Variants in SGPP2 observed in about 807,000 individuals in gnomAD.
SGPP2 encodes sphingosine 1-phosphate phosphohydrolase 2.
A neutral mutation model predicts 33.9 loss-of-function variants in SGPP2; 30 were observed. The ratio of observed to expected loss-of-function variants is 0.89; its 90% CI spans 0.66 to 1.20. The LOEUF (loss-of-function observed/expected upper bound fraction) is 1.20, where lower values mean the gene tolerates loss of function less well. Among genes scored for constraint, SGPP2 ranks in the 50% most tolerant of loss-of-function variants. SGPP2 has a pLI of 0.00. For missense variants in SGPP2, 458 were observed against 532.1 expected (o/e 0.86, Z 1.37); for synonymous variants, 233 against 225.0 (o/e 1.04, Z -0.32).
At chr2:222,544,962 G>T (rs556055073) in intron 4 of SGPP2, among the ~76,000 whole-genome samples, 2 of 152,216 alleles carry the variant, frequency 1.3e-5, no homozygotes, top group African/African-American at 4.8e-5. Flanking sequence ...TTAATGGACA[G>T]AGAGTATTCT....
At chr2:222,459,847 C>G (rs1392654010) in intron 1 of SGPP2, among the ~76,000 whole-genome samples, 1 of 152,184 alleles carries the variant, frequency 6.6e-6, no homozygotes, top group Non-Finnish European at 1.5e-5. Flanking sequence ...CTTTGGTTCC[C>G]TTCTTTATCA....
chr2:222,490,950 C>T (rs1698188174), intron 2 of SGPP2, among the ~76,000 whole-genome samples: 1 of 152,062 alleles, frequency 6.6e-6, no homozygotes, highest in Non-Finnish European at 1.5e-5. Context: ...CACTTTCTTC[C>T]TAAACTGTGT....
chr2:222,507,163 G>T (rs1378251130), intron 2 of SGPP2, among the ~76,000 whole-genome samples: 1 of 152,106 alleles, frequency 6.6e-6, no homozygotes, highest in African/African-American at 2.4e-5. Flanking sequence ...AAGATGATTG[G>T]TATAGAATTC....
chr2:222,524,489 C>T (rs1698728101), intron 3 of SGPP2, among the ~76,000 whole-genome samples: 2 of 152,240 alleles, frequency 1.3e-5, no homozygotes, highest in Admixed American at 1.3e-4. Flanking sequence ...ACTTTAGGCC[C>T]ATTGCCCCTC....
intron 4 of SGPP2, among the ~76,000 whole-genome samples, chr2:222,532,755 C>CT (rs1261711504): frequency 6.6e-6 from 1 of 152,210 alleles, no homozygotes; most frequent in East Asian, 1.9e-4. Context: ...AGAAGTTTCT[C>CT]TATCTCTTGC....
intron 2 of SGPP2, among the ~76,000 whole-genome samples, chr2:222,493,360 A>G (rs1196555734): frequency 2.0e-5 from 3 of 152,180 alleles, no homozygotes; most frequent in African/African-American, 7.2e-5. Flanking sequence ...TTATAAAACT[A>G]TTGGATCTCA....
rs546240415 is a variant in SGPP2 at position 222,436,676 on chromosome 2, C to T, written c.219+11855C>T. 1.4e-4 allele frequency among the ~76,000 whole-genome samples: 22 copies of T among 152,272 alleles called. No individual in the cohort carries two copies. The East Asian group carries it at 3.5e-3, about 24-fold the overall frequency. Reference sequence around the variant, plus strand: ...TACTATGACGGTAGATAAGGCATTCCATGAGTCCACAGATGATAGTCTTGG... The same window carrying T: ...TACTATGACGGTAGATAAGGCATTCTATGAGTCCACAGATGATAGTCTTGG... On this transcript the variant is annotated intron_variant, in intron 1 of 4. Coordinates refer to ENST00000321276, the MANE Select transcript of SGPP2 (RefSeq NM_152386.4).
chr2:222,478,813 C>G (rs2106100572), intron 2 of SGPP2, among the ~76,000 whole-genome samples: 1 of 152,240 alleles, frequency 6.6e-6, no homozygotes, highest in Non-Finnish European at 1.5e-5. Context: ...ATCAAGTGCT[C>G]TCTCCTCACA....
intron 2 of SGPP2, among the ~76,000 whole-genome samples, chr2:222,501,164 A>C (rs1698360934): frequency 6.6e-6 from 1 of 152,188 alleles, no homozygotes; most frequent in South Asian, 2.1e-4. Context: ...CTTGAGCAGG[A>C]GTCACTTGAG....
chr2:222,556,922 T>C (rs1249757887), intron 4 of SGPP2, among the ~76,000 whole-genome samples: 1 of 139,508 alleles, frequency 7.2e-6, no homozygotes, highest in South Asian at 2.5e-4. Flanking sequence ...ACTCCTTCCC[T>C]ATCCACCCTT....
intron 4 of SGPP2, among the ~76,000 whole-genome samples, chr2:222,543,283 C>T (rs1026742969): frequency 8.5e-5 from 13 of 152,144 alleles, no homozygotes; most frequent in African/African-American, 2.9e-4. Context: ...TTACTCAGCA[C>T]CATTTATTGA....
intron 1 of SGPP2, among the ~76,000 whole-genome samples, chr2:222,431,962 G>T (rs572864969): frequency 6.6e-6 from 1 of 152,232 alleles, no homozygotes; most frequent in African/African-American, 2.4e-5. Flanking sequence ...CCCACCCAGC[G>T]CAGGTTGCAT....
rs757736162 is a variant in SGPP2 at position 222,547,010 on chromosome 2, A to G, written c.649-11337A>G. 1.1e-3 allele frequency among the ~76,000 whole-genome samples: 169 copies of G among 152,264 alleles called. 1 individual carries two copies. The highest frequency in any genetic ancestry group is 1.3e-3 in the East Asian group (7 of 5,186). On this transcript the variant is annotated intron_variant, in intron 4 of 4. Transcript: ENST00000321276. ...CCAGACCTACTGAATTAGAACCTGCATTTTAACAAACTTCCCAGGAGACCT... is the reference window on the plus strand; with the variant it reads ...CCAGACCTACTGAATTAGAACCTGCGTTTTAACAAACTTCCCAGGAGACCT...
chr2:222,518,140 T>G (rs1356149468), intron 2 of SGPP2, among the ~76,000 whole-genome samples: 1 of 152,238 alleles, frequency 6.6e-6, no homozygotes, highest in Non-Finnish European at 1.5e-5. Context: ...TTGAAAAATG[T>G]AGCTCTATTT....
chr2:222,435,640 A>G (rs916367329), intron 1 of SGPP2, among the ~76,000 whole-genome samples: 6 of 152,250 alleles, frequency 3.9e-5, no homozygotes, highest in Admixed American at 6.5e-5. Flanking sequence ...TATTACATAA[A>G]GTTAACAATA....
intron 4 of SGPP2, among the ~76,000 whole-genome samples, 169 bp downstream of exon 4, chr2:222,525,202 T>C (rs1468035639): frequency 3.3e-5 from 5 of 152,216 alleles, no homozygotes; most frequent in African/African-American, 7.2e-5. Context: ...TGTATGATAA[T>C]AGTAATGAAA....
At chr2:222,504,850 T>G (rs936585178) in intron 2 of SGPP2, 1 of 152,072 alleles carries the variant, frequency 6.6e-6, no homozygotes, top group African/African-American at 2.4e-5. Flanking sequence ...CATGACAAGG[T>G]GAGGAGGCTG....
chr2:222,508,214 AGAT>A (rs1027223461), intron 2 of SGPP2, among the ~76,000 whole-genome samples: 2 of 152,196 alleles, frequency 1.3e-5, no homozygotes, highest in African/African-American at 4.8e-5. Flanking sequence ...TAAAGAATTA[AGAT>A]AATAGAGTTT....
intron 2 of SGPP2, among the ~76,000 whole-genome samples, chr2:222,512,247 G>A (rs192760020): frequency 2.2e-3 from 332 of 152,112 alleles, no homozygotes; most frequent in African/African-American, 7.7e-3. Context: ...TCCTGACCTC[G>A]TGATCCGCCT....
Sources: gnomAD v4.1 joint callset for allele counts (sites outside exome capture counted in the v4.1 genomes callset) on GRCh38, gnomAD v4.1.1 for gene constraint, MANE v1.5 for transcripts, NCBI Gene and HGNC (gene_info 2026-07-23, HGNC 2026-07-21) for gene names.